The following CACNA1A variants were observed in gnomAD, a reference collection of about 807,000 sequenced individuals.
The protein encoded by CACNA1A is voltage-dependent P/Q-type calcium channel subunit alpha-1A.
In CACNA1A, 57 loss-of-function variants were observed where a neutral mutation model predicts 262.4. That is an observed-to-expected ratio of 0.22 (90% CI 0.18 to 0.27). The LOEUF (loss-of-function observed/expected upper bound fraction) is 0.27, where lower values mean the gene tolerates loss of function less well. Among genes scored for constraint, CACNA1A ranks in the 10% least tolerant of loss-of-function variants. The pLI, the probability that CACNA1A is intolerant of heterozygous loss-of-function variation, is 1.00. For missense variants in CACNA1A, 2,526 were observed against 3,562.8 expected (o/e 0.71, Z 7.41); for synonymous variants, 1,431 against 1,419.3 (o/e 1.01, Z -0.18).
intron 10 of CACNA1A, among the ~76,000 whole-genome samples, chr19:13,318,099 A>G (rs2145055213): frequency 6.6e-6 from 1 of 151,886 alleles, no homozygotes; most frequent in Non-Finnish European, 1.5e-5. Flanking sequence ...CCTGGGCAAC[A>G]CAGCGAGACA....
At chr19:13,337,958 G>A (rs962063847) in intron 6 of CACNA1A, among the ~76,000 whole-genome samples, 1 of 152,152 alleles carries the variant, frequency 6.6e-6, no homozygotes, top group South Asian at 2.1e-4. Flanking sequence ...GGTGGCTCAC[G>A]CCTGCAATCC....
chr19:13,232,289 C>A (rs187420911), intron 34 of CACNA1A, among the ~76,000 whole-genome samples: 1 of 151,570 alleles, frequency 6.6e-6, no homozygotes, highest in Non-Finnish European at 1.5e-5. Context: ...CTCAACTTCC[C>A]AGGCTCAGGT....
intron 6 of CACNA1A, among the ~76,000 whole-genome samples, chr19:13,347,593 A>G (rs1320009229): frequency 2.0e-5 from 3 of 152,196 alleles, no homozygotes; most frequent in East Asian, 3.9e-4. Context: ...CTTTCACGCT[A>G]CAGGAGCAGA....
At position 13,207,175 on chromosome 19, in the gene CACNA1A, T is replaced by G; in HGVS notation, c.*138A>C. 1 of 965,430 alleles carries G rather than the reference T, an allele frequency of 1.0e-6. No homozygotes were observed. The highest frequency in any genetic ancestry group is 1.8e-5 in the South Asian group (1 of 54,412). 59.8% of individuals were successfully genotyped at this position (965,430 alleles called of 1,614,324 possible). A position where few individuals can be genotyped will look rare whatever the true frequency, so the allele number is the denominator to read the frequency against. On this transcript the variant is annotated 3_prime_UTR_variant, in exon 47 of 47. Transcript: ENST00000360228. This position sits in a 1 kb window ranked among gnomAD's most constrained non-coding sequence, Gnocchi z 5.7. ...ACACCCTTGTGGCCCAGCCCTGGCCTCTCCAGAGTCTGGGGTCTCCCGGCT... is the reference window on the plus strand; with the variant it reads ...ACACCCTTGTGGCCCAGCCCTGGCCGCTCCAGAGTCTGGGGTCTCCCGGCT...
Position 13,298,743 on chromosome 19 carries a change from G to C in CACNA1A, c.2890C>G (p.Pro964Ala). The change falls in exon 19 of 47, where the codon CCC becomes GCC. Residue 964 changes from proline to alanine, a missense_variant. Transcript: ENST00000360228. Reference protein sequence around the residue: ...EHRRHRAHRRPGEEGPEDKAE... With the variant: ...EHRRHRAHRRAGEEGPEDKAE... ...TTGTCCTCCGGACCCTCCTCCCCGG[G>C]CCTGCGGTGCGCGCGATGACGTCGA... 2.0e-6 allele frequency: 3 copies of C among 1,508,324 alleles called. No individual in the cohort carries two copies. Among genetic ancestry groups the C allele is most frequent in the Non-Finnish European group, 2.6e-6 (3 of 1,134,750 alleles). 93.4% of individuals were successfully genotyped at this position (1,508,324 alleles called of 1,614,324 possible).
intron 3 of CACNA1A, among the ~76,000 whole-genome samples, chr19:13,408,005 G>A (rs146847724): frequency 2.0e-5 from 3 of 152,282 alleles, no homozygotes; most frequent in Non-Finnish European, 4.4e-5. Context: ...ACCATGTGAA[G>A]ATGTGCTTGT....
At chr19:13,291,814 A>C (rs1435924224) in intron 19 of CACNA1A, among the ~76,000 whole-genome samples, 1 of 151,786 alleles carries the variant, frequency 6.6e-6, no homozygotes, top group African/African-American at 2.4e-5. Flanking sequence ...TTTTTTAAAA[A>C]AACCAACTTG....
intron 30 of CACNA1A, among the ~76,000 whole-genome samples, chr19:13,250,261 T>G (rs1314897272): frequency 6.6e-6 from 1 of 151,952 alleles, no homozygotes; most frequent in Non-Finnish European, 1.5e-5. Context: ...GGTTTCACCA[T>G]GTTGTCCAGG....
intron 3 of CACNA1A, among the ~76,000 whole-genome samples, chr19:13,389,979 AT>A (rs562409200): frequency 1.3e-5 from 2 of 150,724 alleles, no homozygotes; most frequent in Non-Finnish European, 1.5e-5. Context: ...TGCCTGGCTA[AT>A]TTTTTTTTAT....
intron 1 of CACNA1A, among the ~76,000 whole-genome samples, chr19:13,482,381 G>A (rs190973060): frequency 2.6e-5 from 4 of 152,082 alleles, no homozygotes; most frequent in Non-Finnish European, 4.4e-5. Context: ...TACTCGGGAG[G>A]CTGAGGCAGG....
intron 3 of CACNA1A, among the ~76,000 whole-genome samples, chr19:13,412,978 T>C (rs572608844): frequency 5.3e-4 from 81 of 152,074 alleles, no homozygotes; most frequent in Admixed American, 1.3e-3. Context: ...GGACCAGGTG[T>C]GGGGGCTCAC....
At chr19:13,396,595 T>C (rs895097669) in intron 3 of CACNA1A, among the ~76,000 whole-genome samples, 1 of 152,262 alleles carries the variant, frequency 6.6e-6, no homozygotes, top group South Asian at 2.1e-4. Flanking sequence ...TAAATTTTAA[T>C]GAATGTACAT....
chr19:13,253,235 A>G, intron 29 of CACNA1A, 134 bp from the exon 30 acceptor site: 1 of 540,964 alleles, frequency 1.8e-6, no homozygotes. Context: ...CACTGGTAGG[A>G]GGCACAGTTC....
chr19:13,261,026 T>C (rs1279211935), intron 26 of CACNA1A: 1 of 157,406 alleles, frequency 6.4e-6, no homozygotes, highest in Non-Finnish European at 1.4e-5. Context: ...TTTACCCCAT[T>C]TGATGTAAAT....
At chr19:13,235,479 A>C in intron 32 of CACNA1A, 135 bp downstream of exon 32, 1 of 784,580 alleles carries the variant, frequency 1.3e-6, no homozygotes, top group Non-Finnish European at 2.2e-6. Context: ...GAAGTTTGAC[A>C]ACAGCCTTGG....
intron 20 of CACNA1A, among the ~76,000 whole-genome samples, chr19:13,286,223 C>A (rs977655819): frequency 3.9e-5 from 6 of 152,160 alleles, no homozygotes; most frequent in African/African-American, 1.4e-4. Flanking sequence ...GACCCTATTG[C>A]TCCTCAAATG....
At chr19:13,460,636 C>T (rs187143484) in intron 1 of CACNA1A, among the ~76,000 whole-genome samples, 1 of 152,060 alleles carries the variant, frequency 6.6e-6, no homozygotes, top group East Asian at 1.9e-4. Context: ...CATTACCTCC[C>T]TCCCCTCATC....
chr19:13,268,578 G>T (rs1262867195), intron 24 of CACNA1A, among the ~76,000 whole-genome samples: 5 of 151,644 alleles, frequency 3.3e-5, no homozygotes, highest in Non-Finnish European at 7.4e-5. Flanking sequence ...GACTACAGGC[G>T]CCCACCACCA....
intron 3 of CACNA1A, among the ~76,000 whole-genome samples, chr19:13,372,695 C>A (rs546710080): frequency 3.3e-5 from 5 of 152,124 alleles, no homozygotes; most frequent in Admixed American, 2.0e-4. Flanking sequence ...AAGTGGTCAG[C>A]ACAATGCCAG....
Sources: allele counts gnomAD v4.1 joint callset (sites outside exome capture counted in the v4.1 genomes callset), GRCh38; gene constraint gnomAD v4.1.1; non-coding constraint Gnocchi (gnomAD v3.1); transcripts MANE v1.5; gene names NCBI Gene and HGNC (gene_info 2026-07-23, HGNC 2026-07-21).